The following TAF3 variants were observed in gnomAD, a reference collection of about 807,000 sequenced individuals.
TAF3 encodes transcription initiation factor TFIID subunit 3.
In TAF3, 7 loss-of-function variants were observed where a neutral mutation model predicts 80.6. The observed-to-expected ratio is 0.09, with a 90% CI of 0.05 to 0.16. TAF3 has a LOEUF of 0.16. TAF3 is among the 10% of genes least tolerant of loss of function. The pLI is 1.00. For synonymous variants in TAF3, 444 were observed against 446.1 expected, an observed-to-expected ratio of 1.00 and a Z score of 0.06; for missense variants, 921 against 1,140.2, an observed-to-expected ratio of 0.81 and a Z score of 2.77.
chr10:7,942,054 C>G (rs995615710), intron 2 of TAF3, among the ~76,000 whole-genome samples: 1 of 152,104 alleles, frequency 6.6e-6, no homozygotes. Flanking sequence ...GGGGTTGTAT[C>G]ATGTGCCTCC....
At chr10:7,961,661 C>T (rs569126915) in intron 2 of TAF3, among the ~76,000 whole-genome samples, 15 of 152,328 alleles carry the variant, frequency 9.8e-5, no homozygotes, top group Non-Finnish European at 1.9e-4. Flanking sequence ...CTCTTTCTCT[C>T]ATGCACTCTG....
chr10:7,952,478 C>T (rs1375840475), intron 2 of TAF3, among the ~76,000 whole-genome samples: 2 of 152,154 alleles, frequency 1.3e-5, no homozygotes, highest in African/African-American at 2.4e-5. Flanking sequence ...CTTTCAGACA[C>T]GTTAGCCCAG....
At chr10:7,918,720 A>G (rs1837735290) in intron 2 of TAF3, among the ~76,000 whole-genome samples, 1 of 152,356 alleles carries the variant, frequency 6.6e-6, no homozygotes, top group Non-Finnish European at 1.5e-5. Flanking sequence ...TATATTCCGT[A>G]GACCGTATCT....
chr10:7,911,743 A>G (rs1313017765), intron 2 of TAF3, among the ~76,000 whole-genome samples: 1 of 152,214 alleles, frequency 6.6e-6, no homozygotes, highest in African/African-American at 2.4e-5. Context: ...ATTTTACGTA[A>G]CAAATAAGCA....
At chr10:7,861,075 C>A (rs942257617) in intron 2 of TAF3, among the ~76,000 whole-genome samples, 1 of 152,040 alleles carries the variant, frequency 6.6e-6, no homozygotes, top group Admixed American at 6.6e-5. Flanking sequence ...CATTCTCCTG[C>A]CTCAGCCTCC....
chr10:7,961,721 G>A (rs1831501447), intron 2 of TAF3, among the ~76,000 whole-genome samples: 5 of 152,134 alleles, frequency 3.3e-5, no homozygotes, highest in Admixed American at 3.3e-4. Context: ...AGTAGGCATT[G>A]CAGACTAAAT....
At chr10:7,925,763 C>A (rs1186089764) in intron 2 of TAF3, among the ~76,000 whole-genome samples, 5 of 138,670 alleles carry the variant, frequency 3.6e-5, no homozygotes, top group African/African-American at 1.3e-4. Flanking sequence ...TGTGCCACTG[C>A]ACTCCAGCCT....
intron 2 of TAF3, chr10:7,833,984 A>T (rs1836826393): frequency 4.1e-6 from 1 of 245,916 alleles, no homozygotes; most frequent in Non-Finnish European, 8.2e-6. Context: ...CCGGCACAGG[A>T]CAACAGCCAG....
intron 4 of TAF3, among the ~76,000 whole-genome samples, chr10:8,003,610 A>G (rs1831965460): frequency 1.3e-5 from 2 of 152,244 alleles, no homozygotes; most frequent in African/African-American, 4.8e-5. Flanking sequence ...CATTGCAACC[A>G]ACTTATAAGA....
chr10:7,918,121 A>G (rs147794321), intron 2 of TAF3, among the ~76,000 whole-genome samples: 26 of 152,352 alleles, frequency 1.7e-4, no homozygotes, highest in Middle Eastern at 3.4e-3. Flanking sequence ...GGCCTTGAGT[A>G]CATTGGCTGA....
intron 3 of TAF3, among the ~76,000 whole-genome samples, chr10:7,972,888 A>G (rs1356122879): frequency 6.6e-6 from 1 of 152,188 alleles, no homozygotes; most frequent in Non-Finnish European, 1.5e-5. Context: ...AACCCCAGCC[A>G]TCTCACAAAT....
chr10:7,944,966 G>T (rs1229474356), intron 2 of TAF3, among the ~76,000 whole-genome samples: 1 of 152,126 alleles, frequency 6.6e-6, no homozygotes. Flanking sequence ...TTGGTTAAAG[G>T]TATATATATT....
chr10:7,988,499 G>A (rs1831799504), intron 4 of TAF3, among the ~76,000 whole-genome samples: 1 of 144,312 alleles, frequency 6.9e-6, no homozygotes, highest in South Asian at 2.2e-4. Flanking sequence ...TTGAACCCAG[G>A]AGGTAGAGGT....
At chr10:7,999,445 A>C (rs1418577339) in intron 4 of TAF3, among the ~76,000 whole-genome samples, 1 of 150,764 alleles carries the variant, frequency 6.6e-6, no homozygotes, top group Non-Finnish European at 1.5e-5. Context: ...AAAAGAAAGA[A>C]AGAAAGAAAG....
At chr10:8,004,170 C>T (rs1048399122) in intron 4 of TAF3, among the ~76,000 whole-genome samples, 1 of 152,036 alleles carries the variant, frequency 6.6e-6, no homozygotes, top group Non-Finnish European at 1.5e-5. Context: ...CCTGCCTCCT[C>T]CTCTGGAGTA....
chr10:7,965,634 GAAGAAA>G lies in TAF3; in HGVS notation c.2130_2135del (p.Lys711_Lys712del). On this transcript the variant is annotated inframe_deletion, in exon 3 of 7. Coordinates refer to ENST00000344293, the MANE Select transcript of TAF3 (RefSeq NM_031923.4). ...AAAAGAAAAAGGACAAAAAGGAGAA[GAAGAAA>G]AAGAAGGAAAAAGAGAAGGAGAAGA... 2 of 1,584,410 alleles carry G rather than the reference GAAGAAA, an allele frequency of 1.3e-6. No individual in the cohort carries two copies. Among genetic ancestry groups the G allele is most frequent in the Middle Eastern group, 1.7e-4 (1 of 5,954 alleles).
chr10:8,010,417 T>A (rs900369324), intron 5 of TAF3, among the ~76,000 whole-genome samples: 1 of 152,232 alleles, frequency 6.6e-6, no homozygotes, highest in Non-Finnish European at 1.5e-5. Context: ...TTGAATTTCT[T>A]GATCAAGCAA....
chr10:8,006,631 C>T (rs1302451055), intron 4 of TAF3, among the ~76,000 whole-genome samples: 1 of 152,218 alleles, frequency 6.6e-6, no homozygotes, highest in Admixed American at 6.5e-5. Context: ...AACAATTCGA[C>T]AGCAGTAATG....
rs1156996521 is a variant in TAF3, at chr10:7,965,165, A to G, written c.1655A>G (p.Lys552Arg). The G allele has an allele frequency of 3.1e-6, 5 of 1,610,674 alleles. No individual in the cohort carries two copies. The South Asian group carries it at 5.5e-5, about 18-fold the overall frequency. ...AGGGAAAAAGACAAGAACAAGGACA[A>G]AAGTAAGGAGAAGGATAAAGTGAAA... Reference protein sequence around the residue: ...REREKDKNKDKSKEKDKVKEK... With the variant: ...REREKDKNKDRSKEKDKVKEK... Residue 552 changes from lysine to arginine, a missense_variant, in exon 3 of 7, where the codon AAA (lysine) becomes AGA (arginine). Coordinates refer to ENST00000344293, the MANE Select transcript of TAF3 (RefSeq NM_031923.4).
Sources: allele counts gnomAD v4.1 joint callset (sites outside exome capture counted in the v4.1 genomes callset), GRCh38; gene constraint gnomAD v4.1.1; transcripts MANE v1.5; gene names NCBI Gene and HGNC (gene_info 2026-07-23, HGNC 2026-07-21).